The following DACH1 variants were observed in gnomAD, a reference collection of about 807,000 sequenced individuals.
DACH1 encodes the protein dachshund homolog 1.
A neutral mutation model predicts 54.2 loss-of-function variants in DACH1; 12 were observed. That is an observed-to-expected ratio of 0.22 (90% CI 0.14 to 0.36). The LOEUF is 0.36. Ranked by LOEUF, DACH1 falls within the 10% of genes least tolerant of loss-of-function variation. The pLI is 1.00. For synonymous variants in DACH1, 386 were observed against 366.2 expected (o/e 1.05, Z -0.62); for missense variants, 805 against 929.8 (o/e 0.87, Z 1.75).
intron 2 of DACH1, among the ~76,000 whole-genome samples, chr13:71,631,337 T>A (rs1382868069): frequency 6.6e-6 from 1 of 152,176 alleles, no homozygotes; most frequent in Non-Finnish European, 1.5e-5. Context: ...CCCAGCTGCC[T>A]GGATGCCTGG....
At chr13:71,523,500 T>C (rs1415324365) in intron 6 of DACH1, among the ~76,000 whole-genome samples, 1 of 152,126 alleles carries the variant, frequency 6.6e-6, no homozygotes, top group Admixed American at 6.6e-5. Flanking sequence ...TCAAAATATA[T>C]GTAGCCAAAG....
At chr13:71,765,660 A>G (rs1209696862) in intron 1 of DACH1, among the ~76,000 whole-genome samples, 2 of 152,180 alleles carry the variant, frequency 1.3e-5, no homozygotes, top group Non-Finnish European at 2.9e-5. Flanking sequence ...GATGGTTATC[A>G]TAGGATGTGC....
chr13:71,853,779 A>T (rs1410983470), intron 1 of DACH1, among the ~76,000 whole-genome samples: 1 of 152,246 alleles, frequency 6.6e-6, no homozygotes, highest in Non-Finnish European at 1.5e-5. Context: ...TTCAATATTC[A>T]TTTAATTTGC....
At chr13:71,777,053 T>C (rs953274471) in intron 1 of DACH1, among the ~76,000 whole-genome samples, 3 of 152,190 alleles carry the variant, frequency 2.0e-5, no homozygotes, top group African/African-American at 7.2e-5. Flanking sequence ...TCTTTCAGCT[T>C]CCTGTAATTC....
intron 3 of DACH1, among the ~76,000 whole-genome samples, chr13:71,591,417 C>A (rs1357522339): frequency 3.3e-5 from 5 of 152,036 alleles, no homozygotes; most frequent in Admixed American, 3.3e-4. Flanking sequence ...ATAGTTACCA[C>A]ATTAGAAAGG....
chr13:71,777,057 G>T (rs1200885792), intron 1 of DACH1, among the ~76,000 whole-genome samples: 2 of 152,118 alleles, frequency 1.3e-5, no homozygotes, highest in Admixed American at 1.3e-4. Flanking sequence ...TCAGCTTCCT[G>T]TAATTCCTGT....
intron 6 of DACH1, among the ~76,000 whole-genome samples, chr13:71,537,045 T>C (rs1882852788): frequency 6.6e-6 from 1 of 152,114 alleles, no homozygotes; most frequent in Non-Finnish European, 1.5e-5. Flanking sequence ...AAATACAAAC[T>C]TCTTACCAAA....
chr13:71,531,770 G>T (rs1344595638), intron 6 of DACH1, among the ~76,000 whole-genome samples: 1 of 151,948 alleles, frequency 6.6e-6, no homozygotes, highest in Non-Finnish European at 1.5e-5. Flanking sequence ...GTTTTCGGAA[G>T]TGTTGTTCTC....
chr13:71,504,621 C>G (rs1355879104), intron 6 of DACH1, among the ~76,000 whole-genome samples: 1 of 152,106 alleles, frequency 6.6e-6, no homozygotes, highest in African/African-American at 2.4e-5. Flanking sequence ...CAGACCTGAT[C>G]ATCAAGTTGT....
intron 6 of DACH1, among the ~76,000 whole-genome samples, chr13:71,494,002 G>A (rs1284853132): frequency 1.3e-5 from 2 of 152,088 alleles, no homozygotes. Flanking sequence ...TTAGATCACA[G>A]TTCAGTCACC....
At chr13:71,596,620 C>A (rs1312409627) in intron 3 of DACH1, among the ~76,000 whole-genome samples, 1 of 152,126 alleles carries the variant, frequency 6.6e-6, no homozygotes, top group East Asian at 1.9e-4. Context: ...CAAAGCCTAA[C>A]CCTCAAATAG....
At chr13:71,556,835 G>A (rs760789154) in intron 6 of DACH1, among the ~76,000 whole-genome samples, 189 bp downstream of exon 6, 1 of 151,936 alleles carries the variant, frequency 6.6e-6, no homozygotes, top group Non-Finnish European at 1.5e-5. Flanking sequence ...GAGAAGTGCA[G>A]CAGGTCTTCA....
At chr13:71,569,448 A>C (rs1283486972) in intron 4 of DACH1, among the ~76,000 whole-genome samples, 3 of 152,148 alleles carry the variant, frequency 2.0e-5, no homozygotes, top group African/African-American at 7.2e-5. Flanking sequence ...TATAATTCTC[A>C]TGTGTCATGA....
rs533170614 is a variant in DACH1 at position 71,827,827 on chromosome 13, A to G, written c.848+38095T>C. On this transcript the variant is annotated intron_variant, in intron 1 of 10. Transcript: ENST00000613252. ...CTATATTCACAATTTTAAGGCAAAG[A>G]TTAAATAGCAAATCCTTCATTAAGG... Among the ~76,000 whole-genome samples, 3 of 152,192 alleles carry G rather than the reference A, an allele frequency of 2.0e-5. No homozygotes were observed. The South Asian group carries it at 6.2e-4, about 32-fold the overall frequency.
chr13:71,791,209 C>T (rs1886816490), intron 1 of DACH1, among the ~76,000 whole-genome samples: 1 of 152,156 alleles, frequency 6.6e-6, no homozygotes, highest in Non-Finnish European at 1.5e-5. Context: ...TAAAAGTGTG[C>T]CATGTGCAAC....
chr13:71,663,699 ATT>A (rs888317691), intron 2 of DACH1, among the ~76,000 whole-genome samples: 7 of 151,968 alleles, frequency 4.6e-5, no homozygotes, highest in Non-Finnish European at 4.4e-5. Flanking sequence ...ATGCCCAACT[ATT>A]AGCTTATCTA....
chr13:71,623,245 G>C (rs1433470086), intron 3 of DACH1, among the ~76,000 whole-genome samples: 1 of 151,406 alleles, frequency 6.6e-6, no homozygotes, highest in Non-Finnish European at 1.5e-5. Context: ...AACAAATTAT[G>C]AGAGAAAATG....
intron 1 of DACH1, among the ~76,000 whole-genome samples, chr13:71,705,190 G>T (rs150853743): frequency 1.3e-5 from 2 of 152,270 alleles, no homozygotes; most frequent in African/African-American, 4.8e-5. Context: ...AGTACAGAGT[G>T]AATATTGTCA....
chr13:71,500,258 G>A (rs1382784026), intron 6 of DACH1, among the ~76,000 whole-genome samples: 1 of 152,066 alleles, frequency 6.6e-6, no homozygotes, highest in African/African-American at 2.4e-5. Context: ...TAAATCCAAG[G>A]CCTTTTCAAA....
Sources: allele counts gnomAD v4.1 joint callset (sites outside exome capture counted in the v4.1 genomes callset), GRCh38; gene constraint gnomAD v4.1.1; transcripts MANE v1.5; gene names NCBI Gene and HGNC (gene_info 2026-07-23, HGNC 2026-07-21).